MAPK10: variants seen among roughly 807,000 people sequenced by gnomAD.
The protein encoded by MAPK10 is JNK3 alpha protein kinase.
MAPK10 carries 25 observed loss-of-function variants against 59.3 expected under a neutral mutation model. The ratio of observed to expected loss-of-function variants is 0.42; its 90% CI spans 0.31 to 0.59. The LOEUF is 0.59. Ranked by LOEUF, MAPK10 falls within the 20% of genes least tolerant of loss-of-function variation. The pLI is 0.15. For synonymous variants in MAPK10, 190 were observed against 200.5 expected (o/e 0.95, Z 0.44); for missense variants, 351 against 568.9 (o/e 0.62, Z 3.90).
intron 1 of MAPK10, among the ~76,000 whole-genome samples, chr4:86,470,627 T>G (rs1030687428): frequency 6.6e-6 from 1 of 152,182 alleles, no homozygotes; most frequent in African/African-American, 2.4e-5. Context: ...TCTCCCCTAT[T>G]TTTTCTTCCT....
intron 2 of MAPK10, among the ~76,000 whole-genome samples, chr4:86,234,910 T>G (rs1048858615): frequency 2.0e-5 from 3 of 152,168 alleles, no homozygotes; most frequent in African/African-American, 7.2e-5. Context: ...TAAACAGATA[T>G]TCTCACACAT....
chr4:86,449,922 C>T (rs2149054085), intron 1 of MAPK10, among the ~76,000 whole-genome samples: 1 of 152,308 alleles, frequency 6.6e-6, no homozygotes, highest in Non-Finnish European at 1.5e-5. Context: ...ATGAAGACTT[C>T]AGTTCTATAA....
At chr4:86,079,955 C>T (rs1423797565) in intron 9 of MAPK10, 2 of 152,100 alleles carry the variant, frequency 1.3e-5, no homozygotes, top group African/African-American at 4.8e-5. Context: ...GTCTCTCTTA[C>T]TCTGCAGCTA....
At chr4:86,133,396 T>A (rs922374472) in intron 4 of MAPK10, among the ~76,000 whole-genome samples, 30 of 152,116 alleles carry the variant, frequency 2.0e-4, no homozygotes, top group African/African-American at 6.5e-4. Context: ...TCTAAGTAAA[T>A]AATTCACTTT....
chr4:86,552,521 G>A (rs1283630758), intron 1 of MAPK10, among the ~76,000 whole-genome samples: 1 of 137,386 alleles, frequency 7.3e-6, no homozygotes, highest in Non-Finnish European at 1.6e-5. Flanking sequence ...AAGGAAGGAA[G>A]GAAGGAAGGA....
rs566184143 is a variant in MAPK10, at chr4:86,135,585, G to GA, written c.236+23712dup. Among the ~76,000 whole-genome samples the GA allele has an allele frequency of 1.9e-4, 29 of 152,210 alleles. No homozygotes were observed. In the South Asian group the frequency reaches 3.9e-3, roughly 21 times the overall value. On this transcript the variant is annotated intron_variant, in intron 4 of 13. Coordinates refer to ENST00000641462, the MANE Select transcript of MAPK10 (RefSeq NM_138982.4). ...AAGTAGATAAAACCACAAAGATGGG[G>GA]AAAAAACAGAACAGAAAAACCGGAA... is the stretch of plus-strand genomic sequence containing the variant.
intron 2 of MAPK10, among the ~76,000 whole-genome samples, chr4:86,280,802 G>T (rs1188569916): frequency 6.6e-6 from 1 of 152,112 alleles, no homozygotes; most frequent in Non-Finnish European, 1.5e-5. Flanking sequence ...CAGCAACATA[G>T]ATGCAACCAG....
chr4:86,344,733 T>C (rs1727122456), intron 2 of MAPK10, among the ~76,000 whole-genome samples: 1 of 152,134 alleles, frequency 6.6e-6, no homozygotes, highest in African/African-American at 2.4e-5. Context: ...CCATTGAAAA[T>C]GTCTGTTAAC....
At chr4:86,350,510 G>T (rs1730766256) in intron 2 of MAPK10, among the ~76,000 whole-genome samples, 1 of 151,958 alleles carries the variant, frequency 6.6e-6, no homozygotes, top group Non-Finnish European at 1.5e-5. Context: ...CACCACGTCT[G>T]GCCAATTTTT....
intron 1 of MAPK10, among the ~76,000 whole-genome samples, chr4:86,400,109 G>A (rs1365269003): frequency 6.6e-6 from 1 of 151,984 alleles, no homozygotes; most frequent in Non-Finnish European, 1.5e-5. Flanking sequence ...ACATTTTATG[G>A]TCATATCACA....
chr4:86,096,409 T>C (rs2054234126), intron 9 of MAPK10, among the ~76,000 whole-genome samples: 1 of 151,998 alleles, frequency 6.6e-6, no homozygotes, highest in Non-Finnish European at 1.5e-5. Context: ...TTGCTTTTTT[T>C]CTCTTTTATT....
intron 4 of MAPK10, among the ~76,000 whole-genome samples, chr4:86,129,828 T>G (rs1293650262): frequency 2.0e-5 from 3 of 152,094 alleles, no homozygotes; most frequent in African/African-American, 7.2e-5. Context: ...ATTAATAAGC[T>G]CAAAAATAGA....
chr4:86,422,214 T>G (rs1268807261), intron 1 of MAPK10, among the ~76,000 whole-genome samples: 2 of 152,336 alleles, frequency 1.3e-5, no homozygotes, highest in East Asian at 3.9e-4. Flanking sequence ...CCTGTCAAGT[T>G]TACAGCTATG....
At chr4:86,485,564 A>C (rs1456907401) in intron 1 of MAPK10, among the ~76,000 whole-genome samples, 2 of 152,252 alleles carry the variant, frequency 1.3e-5, no homozygotes, top group African/African-American at 4.8e-5. Context: ...GAAGGAAATA[A>C]ACCAAAAGGA....
At position 86,343,748 on chromosome 4, in the gene MAPK10, A is replaced by G. The variant is rs575520724; in HGVS notation, c.-7+10782T>C. The stretch of plus-strand genomic sequence containing the variant: ...CAAAGGTGACTTGATGTATAGTATA[A>G]CAAAAAATTGAAACAATAGGTAGAT... On this transcript the variant is annotated intron_variant, in intron 2 of 13. Transcript: ENST00000641462. 2.7e-4 allele frequency among the ~76,000 whole-genome samples: 41 copies of G among 152,324 alleles called. No homozygotes were observed. In the South Asian group the frequency reaches 8.3e-3, roughly 31 times the overall value.
intron 8 of MAPK10, chr4:86,098,824 G>A: frequency 2.3e-6 from 1 of 431,966 alleles, no homozygotes; most frequent in Non-Finnish European, 4.2e-6. Context: ...CTTTGTGGGT[G>A]CCTTACATTG....
intron 1 of MAPK10, among the ~76,000 whole-genome samples, chr4:86,417,356 T>A (rs1345606847): frequency 6.6e-6 from 1 of 152,220 alleles, no homozygotes; most frequent in African/African-American, 2.4e-5. Flanking sequence ...AATTGTTTTT[T>A]AAGTTGCTTT....
intron 1 of MAPK10, among the ~76,000 whole-genome samples, chr4:86,430,738 G>T (rs1222696278): frequency 6.6e-6 from 1 of 151,976 alleles, no homozygotes; most frequent in Non-Finnish European, 1.5e-5. Flanking sequence ...GCCCTGAGAG[G>T]AAAGGGGACT....
In MAPK10 at chr4:86,397,933, T is replaced by C. The variant is rs1001110093; in HGVS notation, c.-121-43289A>G. ...CCAATCAATTGCCATGTAGAAAATA[T>C]GATTCTTTTTTAAGAAGTGGGTACA... On this transcript the variant is annotated intron_variant, in intron 1 of 13. Transcript: ENST00000361569. 2.9e-5 allele frequency among the ~76,000 whole-genome samples: 4 copies of C among 139,832 alleles called. No homozygotes were observed. The East Asian group carries it at 6.3e-4, about 22-fold the overall frequency. 91.7% of individuals were successfully genotyped at this position (139,832 alleles called of 152,430 possible).
Sources: gnomAD v4.1 joint callset for allele counts (sites outside exome capture counted in the v4.1 genomes callset) on GRCh38, gnomAD v4.1.1 for gene constraint, MANE v1.5 for transcripts, NCBI Gene and HGNC (gene_info 2026-07-23, HGNC 2026-07-21) for gene names.